XIST: variants seen among roughly 807,000 people sequenced by gnomAD.
XIST encodes the protein X inactive specific transcript.
chrX:73,827,623 G>A, exon 6 of XIST: 1 of 549,805 alleles, frequency 1.8e-6, no homozygotes, highest in Non-Finnish European at 3.3e-6. Flanking sequence ...AAACGAACGA[G>A]AAGGGGAAGG....
In XIST at chrX:73,845,236, C is replaced by A. The variant is rs768518801; in HGVS notation, n.7488G>T. On this transcript the variant is annotated non_coding_transcript_exon_variant, in exon 1 of 6. Transcript: ENST00000429829. Reference sequence around the variant, plus strand: ...AAGGAAGATTGGGGGTGGAGTGTGGCAGGGGAGGCTTCCATGTCTATTACA... The same window carrying A: ...AAGGAAGATTGGGGGTGGAGTGTGGAAGGGGAGGCTTCCATGTCTATTACA... 1.6e-5 allele frequency: 9 copies of A among 555,464 alleles called. No individual in the cohort carries two copies. The Admixed American group carries it at 2.0e-4, about 12-fold the overall frequency. The allele number at this position is 555,464 out of a possible 1,213,427, so 45.8% of individuals were successfully genotyped here. A position where few individuals can be genotyped will look rare whatever the true frequency, so the allele number is the denominator to read the frequency against.
exon 6 of XIST, chrX:73,824,112 G>A (rs781066392): frequency 1.8e-5 from 10 of 541,447 alleles, no homozygotes; most frequent in Non-Finnish European, 3.3e-5. Flanking sequence ...ATGGGTGGCA[G>A]TTTACAAATT....
exon 6 of XIST, chrX:73,824,726 C>T (rs779669711): frequency 3.2e-5 from 18 of 556,935 alleles, no homozygotes; most frequent in Admixed American, 1.3e-4. Context: ...AAGTGACTTT[C>T]GGTCTGGATC....
At chrX:73,848,750 C>T (rs1261287295) in exon 1 of XIST, 1 of 558,546 alleles carries the variant, frequency 1.8e-6, no homozygotes, top group Non-Finnish European at 3.2e-6. Context: ...TGCATATCAA[C>T]TGTTTAAGAG....
At chrX:73,827,202 A>G (rs774833135) in exon 6 of XIST, 1 of 556,541 alleles carries the variant, frequency 1.8e-6, no homozygotes, top group African/African-American at 2.2e-5. Context: ...GCAGCCTGGC[A>G]TAAGGAACCG....
At position 73,831,181 on chromosome X, in the gene XIST, G is replaced by A. The variant is rs187441106; in HGVS notation, n.11637C>T. ...CCCAGTGGTAGTGAGCTTTTCCCCTGGAGGATCCTCATGCCCCATCTCCAC... is the reference window on the plus strand; with the variant it reads ...CCCAGTGGTAGTGAGCTTTTCCCCTAGAGGATCCTCATGCCCCATCTCCAC... On this transcript the variant is annotated non_coding_transcript_exon_variant, in exon 4 of 6. Transcript: ENST00000429829. 1.8e-5 allele frequency: 10 copies of A among 553,962 alleles called. No homozygotes were observed. The East Asian group carries it at 2.9e-4, about 16-fold the overall frequency. The allele number at this position is 553,962 out of a possible 1,213,427, so 45.7% of individuals were successfully genotyped here.
At chrX:73,848,716 C>T (rs968575579) in exon 1 of XIST, 1 of 558,530 alleles carries the variant, frequency 1.8e-6, no homozygotes, top group Non-Finnish European at 3.2e-6. Context: ...TTTTATTGCA[C>T]AGAACCATGA....
At chrX:73,826,322 A>G in exon 6 of XIST, 1 of 559,360 alleles carries the variant, frequency 1.8e-6, no homozygotes, top group Non-Finnish European at 3.2e-6. Flanking sequence ...ACTGAAATAC[A>G]GTATCACCTA....
exon 1 of XIST, chrX:73,851,954 T>C (rs1922953838): frequency 3.6e-6 from 2 of 550,641 alleles, no homozygotes; most frequent in Admixed American, 2.3e-5. Flanking sequence ...TTCCAGAGAG[T>C]GCAACAACCC....
chrX:73,846,672 G>A (rs769056253), exon 1 of XIST: 1 of 559,043 alleles, frequency 1.8e-6, no homozygotes, highest in Non-Finnish European at 3.2e-6. Flanking sequence ...AGGGAAAAGT[G>A]GGGATGAGGG....
At chrX:73,843,574 T>A (rs1466491352) in exon 1 of XIST, 1 of 558,874 alleles carries the variant, frequency 1.8e-6, no homozygotes, top group Non-Finnish European at 3.2e-6. Context: ...CAACTCTTAG[T>A]CTAAAAGAAG....
chrX:73,835,188 T>C (rs1922460920), intron 2 of XIST, among the ~76,000 whole-genome samples: 1 of 111,366 alleles, frequency 9.0e-6, no homozygotes, highest in Non-Finnish European at 1.9e-5. Context: ...GGGAGCTTTC[T>C]ACAAAACTTT....
At chrX:73,844,371 A>T in exon 1 of XIST, 1 of 558,908 alleles carries the variant, frequency 1.8e-6, no homozygotes, top group Non-Finnish European at 3.2e-6. Flanking sequence ...GTTGAAAAGC[A>T]AAGGGAGTCC....
At chrX:73,826,939 C>T in exon 6 of XIST, 1 of 558,872 alleles carries the variant, frequency 1.8e-6, no homozygotes, top group Non-Finnish European at 3.2e-6. Flanking sequence ...TTCCATCCAA[C>T]TCAGGCCTTC....
chrX:73,851,606 G>A, exon 1 of XIST: 1 of 558,673 alleles, frequency 1.8e-6, no homozygotes, highest in Non-Finnish European at 3.2e-6. Flanking sequence ...TTTTTAACTA[G>A]TCCCTTGTAC....
exon 6 of XIST, chrX:73,825,925 G>T (rs773492452): frequency 5.0e-5 from 28 of 557,457 alleles, no homozygotes; most frequent in Non-Finnish European, 8.7e-5. Context: ...ACAGTCCCAG[G>T]TTCTCTCATC....
intron 2 of XIST, among the ~76,000 whole-genome samples, chrX:73,834,948 C>T (rs1049342871): frequency 2.8e-5 from 3 of 106,529 alleles, no homozygotes; most frequent in Non-Finnish European, 5.8e-5. Context: ...GAGTCGAGAT[C>T]GTGCTACTTC....
chrX:73,852,250 C>G (rs191320229), exon 1 of XIST: 1 of 540,190 alleles, frequency 1.9e-6, no homozygotes, highest in East Asian at 3.3e-5. Context: ...CCCCGATGGG[C>G]TAAGGAAAAA....
At chrX:73,829,790 CA>C (rs752287639) in intron 4 of XIST, among the ~76,000 whole-genome samples, 276 of 24,231 alleles carry the variant, frequency 0.011, 1 homozygote, top group East Asian at 0.055. Context: ...AACTCCATCT[CA>C]AAAAAAAAAA....
Sources: allele counts gnomAD v4.1 joint callset (sites outside exome capture counted in the v4.1 genomes callset), GRCh38; gene constraint gnomAD v4.1.1; transcripts MANE v1.5; gene names NCBI Gene and HGNC (gene_info 2026-07-23, HGNC 2026-07-21).